Variants in SNTG2 observed in about 807,000 individuals in gnomAD.
The protein encoded by SNTG2 is gamma-2-syntrophin.
A neutral mutation model predicts 70.9 loss-of-function variants in SNTG2; 74 were observed. The ratio of observed to expected loss-of-function variants is 1.04; its 90% CI spans 0.86 to 1.27. The LOEUF is 1.27. Among genes scored for constraint, SNTG2 ranks in the 50% most tolerant of loss-of-function variants. The pLI is 0.00. For missense variants in SNTG2, 717 were observed against 690.7 expected, an observed-to-expected ratio of 1.04 and a Z score of -0.43; for synonymous variants, 278 against 273.8, an observed-to-expected ratio of 1.02 and a Z score of -0.15.
chr2:1,015,720 C>T (rs1659871546), intron 1 of SNTG2, among the ~76,000 whole-genome samples: 1 of 152,170 alleles, frequency 6.6e-6, no homozygotes, highest in Non-Finnish European at 1.5e-5. Context: ...GCCAGAAACT[C>T]ACATGCAGGT....
intron 1 of SNTG2, among the ~76,000 whole-genome samples, chr2:1,071,888 A>G (rs1663584644): frequency 1.3e-5 from 2 of 152,234 alleles, no homozygotes; most frequent in South Asian, 4.1e-4. Context: ...CAAACCAGCC[A>G]CAGCATTCTC....
chr2:1,088,728 G>A (rs980149056), intron 2 of SNTG2, among the ~76,000 whole-genome samples: 1 of 152,056 alleles, frequency 6.6e-6, no homozygotes, highest in Non-Finnish European at 1.5e-5. Flanking sequence ...TCTATCCCAG[G>A]GCCTACCAGA....
chr2:1,098,399 A>G lies in SNTG2; in HGVS notation c.314A>G (p.Glu105Gly). 1 of 1,614,008 alleles carries G rather than the reference A, an allele frequency of 6.2e-7. No homozygotes were observed. Among genetic ancestry groups the G allele is most frequent in the Non-Finnish European group, 8.5e-7 (1 of 1,179,900 alleles). Residue 105 changes from glutamate to glycine, a missense_variant, in exon 4 of 17, where the codon GAA becomes GGA. By Grantham distance (98) the Glu-to-Gly change is moderately conservative. Transcript: ENST00000308624. The part of the protein sequence containing the change: ...NVPVVISKIF[E>G]DQAADQTGML... ...CCTGTCGTCATATCAAAAATATTCG[A>G]AGACCAAGCAGGTAAAAACAGCCAA...
chr2:1,177,893 A>T (rs1235684826), intron 8 of SNTG2, among the ~76,000 whole-genome samples: 1 of 152,158 alleles, frequency 6.6e-6, no homozygotes, highest in Admixed American at 6.5e-5. Context: ...ATTAGCAGTG[A>T]TTGCATCTGT....
At chr2:1,319,620 T>C (rs1351307571) in intron 16 of SNTG2, among the ~76,000 whole-genome samples, 1 of 152,188 alleles carries the variant, frequency 6.6e-6, no homozygotes, top group Non-Finnish European at 1.5e-5. Flanking sequence ...CCCTGGGCTC[T>C]GTGCAGGCAA....
intron 1 of SNTG2, among the ~76,000 whole-genome samples, chr2:1,070,337 C>T (rs1663448693): frequency 6.6e-6 from 1 of 152,218 alleles, no homozygotes; most frequent in Non-Finnish European, 1.5e-5. Context: ...GTTCAGATGC[C>T]ATCACGTCAC....
intron 10 of SNTG2, among the ~76,000 whole-genome samples, chr2:1,238,732 C>T (rs995337558): frequency 6.6e-6 from 1 of 152,184 alleles, no homozygotes; most frequent in Non-Finnish European, 1.5e-5. Context: ...TGCCCTTGCT[C>T]CCTCTAAGCT....
At chr2:958,570 T>A (rs998961226) in intron 1 of SNTG2, among the ~76,000 whole-genome samples, 1 of 152,214 alleles carries the variant, frequency 6.6e-6, no homozygotes, top group Non-Finnish European at 1.5e-5. Flanking sequence ...CTGTAATTGC[T>A]TTAAAAAGGA....
At chr2:1,124,658 C>T (rs571146986) in intron 4 of SNTG2, among the ~76,000 whole-genome samples, 10 of 152,204 alleles carry the variant, frequency 6.6e-5, no homozygotes, top group East Asian at 3.9e-4. Context: ...ACCTGGAGGA[C>T]GCTATGCCAG....
chr2:1,234,543 T>C (rs760547255), intron 9 of SNTG2, among the ~76,000 whole-genome samples: 3 of 152,214 alleles, frequency 2.0e-5, no homozygotes, highest in Non-Finnish European at 4.4e-5. Flanking sequence ...AAGCCCATCG[T>C]ACGGACAAGG....
intron 14 of SNTG2, among the ~76,000 whole-genome samples, chr2:1,296,993 C>T (rs879324548): frequency 5.5e-4 from 83 of 152,160 alleles, no homozygotes; most frequent in East Asian, 1.9e-4. Context: ...ACAGAGATTC[C>T]GGGTGCCTAA....
chr2:1,163,022 C>T (rs1427588663), intron 6 of SNTG2, among the ~76,000 whole-genome samples: 2 of 152,216 alleles, frequency 1.3e-5, no homozygotes, highest in Non-Finnish European at 2.9e-5. Context: ...GGGGCCCAGC[C>T]TGTGGAGCAT....
Position 1,098,959 on chromosome 2 carries a change from T to C in SNTG2, c.325+549T>C, listed in dbSNP as rs541463872. ...TAATCACAAGAATAACTGACATTCATAGGGAGAGATTACTCTGTGTAGAAT... is the reference window on the plus strand; with the variant it reads ...TAATCACAAGAATAACTGACATTCACAGGGAGAGATTACTCTGTGTAGAAT... On this transcript the variant is annotated intron_variant, in intron 4 of 16. Coordinates refer to ENST00000308624, the MANE Select transcript of SNTG2 (RefSeq NM_018968.4). Among the ~76,000 whole-genome samples the C allele has an allele frequency of 4.6e-5, 7 of 152,328 alleles. No homozygotes were observed. In the South Asian group the frequency reaches 1.4e-3, roughly 32 times the overall value.
intron 8 of SNTG2, 42 bp downstream of exon 8, chr2:1,173,225 T>A (rs578074939): frequency 6.6e-7 from 1 of 1,526,552 alleles, no homozygotes; most frequent in Admixed American, 1.7e-5. Flanking sequence ...TTAACAGAAA[T>A]ATCAGTAGCC....
chr2:1,148,905 A>G (rs1296823994), intron 6 of SNTG2, among the ~76,000 whole-genome samples: 4 of 151,994 alleles, frequency 2.6e-5, no homozygotes, highest in Admixed American at 2.6e-4. Context: ...CCTGGCAGGT[A>G]CACCCTCTGC....
Position 1,059,654 on chromosome 2 carries a change from G to A in SNTG2, c.73-23864G>A, listed in dbSNP as rs543517503. 5.2e-4 allele frequency among the ~76,000 whole-genome samples: 79 copies of A among 152,078 alleles called. 1 individual carries two copies. The highest frequency in any genetic ancestry group is 1.9e-3 in the African/African-American group (78 of 41,502). ...AAGTATAAGGAAAACCTTGACAATG[G>A]AAATATAAAACTCCCTCAACCCTCA... On this transcript the variant is annotated intron_variant, in intron 1 of 16. Coordinates refer to ENST00000308624, the MANE Select transcript of SNTG2 (RefSeq NM_018968.4).
At chr2:1,002,887 T>C (rs934933534) in intron 1 of SNTG2, among the ~76,000 whole-genome samples, 1 of 147,918 alleles carries the variant, frequency 6.8e-6, no homozygotes, top group South Asian at 2.1e-4. Context: ...GAAAATGTTA[T>C]ATATATATAT....
chr2:1,079,169 T>G (rs1664118925), intron 1 of SNTG2, among the ~76,000 whole-genome samples: 1 of 152,212 alleles, frequency 6.6e-6, no homozygotes, highest in Non-Finnish European at 1.5e-5. Flanking sequence ...TCCCCTCTCC[T>G]TGCTTTTATT....
intron 1 of SNTG2, among the ~76,000 whole-genome samples, chr2:1,034,964 C>T (rs1352417112): frequency 1.3e-5 from 2 of 152,186 alleles, no homozygotes; most frequent in Non-Finnish European, 2.9e-5. Context: ...CACAGTAGGA[C>T]ATAAAACAAT....
Sources: gnomAD v4.1 joint callset for allele counts (sites outside exome capture counted in the v4.1 genomes callset) on GRCh38, gnomAD v4.1.1 for gene constraint, MANE v1.5 for transcripts, NCBI Gene and HGNC (gene_info 2026-07-23, HGNC 2026-07-21) for gene names.